DCBLD1: variants seen among roughly 807,000 people sequenced by gnomAD.
DCBLD1 encodes the protein discoidin, CUB and LCCL domain containing 1.
DCBLD1 carries 57 observed loss-of-function variants against 71.5 expected under a neutral mutation model. The ratio of observed to expected loss-of-function variants is 0.80; its 90% CI spans 0.64 to 0.99. The LOEUF is 0.99. Among genes scored for constraint, DCBLD1 ranks in the 50% least tolerant of loss-of-function variants. The pLI is 0.00. For synonymous variants in DCBLD1, 380 were observed against 363.8 expected, an observed-to-expected ratio of 1.04 and a Z score of -0.51; for missense variants, 891 against 923.5, an observed-to-expected ratio of 0.96 and a Z score of 0.46.
At chr6:117,533,246 T>G (rs12525756) in intron 6 of DCBLD1, among the ~76,000 whole-genome samples, 5,528 of 152,250 alleles carry the variant, frequency 0.036, 243 homozygotes, top group South Asian at 0.18. Flanking sequence ...AGACAGAGGT[T>G]TTAGGCGTTT....
intron 1 of DCBLD1, among the ~76,000 whole-genome samples, chr6:117,487,097 T>G (rs944441677): frequency 5.9e-5 from 9 of 152,108 alleles, no homozygotes; most frequent in African/African-American, 1.4e-4. Flanking sequence ...CCCGTCCCTG[T>G]TGCCAAAAAG....
At chr6:117,494,473 A>G (rs1777405293) in intron 1 of DCBLD1, among the ~76,000 whole-genome samples, 1 of 152,212 alleles carries the variant, frequency 6.6e-6, no homozygotes. Flanking sequence ...TATTACATCA[A>G]CATCCTGACA....
At chr6:117,516,973 C>A (rs1387315910) in intron 2 of DCBLD1, among the ~76,000 whole-genome samples, 1 of 152,182 alleles carries the variant, frequency 6.6e-6, no homozygotes, top group Admixed American at 6.5e-5. Flanking sequence ...ATCATTTCGA[C>A]CCTGGCCCCT....
chr6:117,569,352 G>A lies in DCBLD1; in HGVS notation c.1616-268G>A, dbSNP rs1779761157. On this transcript the variant is annotated intron_variant, in intron 14 of 14. Coordinates refer to the DCBLD1 transcript ENST00000296955. ...CAGGTGAGGACACTGAGGGACAGAGGACTTAAGTAACTTGCTCAAAGTTAT... is the reference window on the plus strand; with the variant it reads ...CAGGTGAGGACACTGAGGGACAGAGAACTTAAGTAACTTGCTCAAAGTTAT... Among the ~76,000 whole-genome samples, 5 of 152,266 alleles carry A rather than the reference G, an allele frequency of 3.3e-5. No individual in the cohort carries two copies. In the South Asian group the frequency reaches 1.0e-3, roughly 32 times the overall value.
chr6:117,559,591 GCATT>G (rs1779544365), intron 14 of DCBLD1, among the ~76,000 whole-genome samples: 1 of 152,144 alleles, frequency 6.6e-6, no homozygotes, highest in Non-Finnish European at 1.5e-5. Flanking sequence ...ACTGACAGAT[GCATT>G]CTCATGGCTG....
intron 2 of DCBLD1, among the ~76,000 whole-genome samples, chr6:117,506,447 T>G (rs530316856): frequency 2.6e-5 from 4 of 152,338 alleles, no homozygotes; most frequent in African/African-American, 7.2e-5. Flanking sequence ...AAGAAGTAGG[T>G]AGTATTTTTG....
In DCBLD1 at chr6:117,501,979, C is replaced by T. The variant is rs78409480; in HGVS notation, c.113-1788C>T. On this transcript the variant is annotated intron_variant, in intron 1 of 14. Transcript: ENST00000338728. ...GTTTTTTCTCCTTTGTTCTTCTCACCATAGTTCCCCCAAACCTGAGTCTGT... is the reference window on the plus strand; with the variant it reads ...GTTTTTTCTCCTTTGTTCTTCTCACTATAGTTCCCCCAAACCTGAGTCTGT... Among the ~76,000 whole-genome samples, 1,154 of 152,182 alleles carry T rather than the reference C, an allele frequency of 7.6e-3. 12 individuals are homozygous for T. Among genetic ancestry groups the T allele is most frequent in the African/African-American group, 0.026 (1,085 of 41,504 alleles).
At chr6:117,550,384 T>C (rs1421973582), downstream of DCBLD1, among the ~76,000 whole-genome samples, 8 of 152,186 alleles carry the variant, frequency 5.3e-5, 1 homozygote, top group Non-Finnish European at 1.0e-4. Flanking sequence ...ATCTTTCTTT[T>C]TTGGTGTTTT....
chr6:117,530,648 G>T (rs1193423208), intron 5 of DCBLD1, among the ~76,000 whole-genome samples: 1 of 152,186 alleles, frequency 6.6e-6, no homozygotes, highest in African/African-American at 2.4e-5. Context: ...GGAATGACTT[G>T]CATATACTTT....
rs554687710 is a variant in DCBLD1 at position 117,563,683 on chromosome 6, C to T, written c.1616-5937C>T. Among the ~76,000 whole-genome samples the T allele has an allele frequency of 8.6e-5, 13 of 151,466 alleles. No individual in the cohort carries two copies. The South Asian group carries it at 2.5e-3, about 29-fold the overall frequency. ...GTTGCAGTGAGCTGAGATCGTACCA[C>T]CGCACTCTAGCCTGGGTGACAGAGT... On this transcript the variant is annotated intron_variant, in intron 14 of 14. Coordinates refer to the DCBLD1 transcript ENST00000296955.
At chr6:117,545,086 G>A (rs1385187846) in intron 13 of DCBLD1, among the ~76,000 whole-genome samples, 1 of 151,496 alleles carries the variant, frequency 6.6e-6, no homozygotes, top group Non-Finnish European at 1.5e-5. Context: ...GAGGGCAGTG[G>A]GGCAGGACCC....
At chr6:117,540,893 T>C (rs1779073267) in intron 10 of DCBLD1, 25 bp from the exon 11 acceptor site, 1 of 1,613,838 alleles carries the variant, frequency 6.2e-7, no homozygotes, top group South Asian at 1.1e-5. Context: ...CTCATGTGGT[T>C]TTCCCGACAT....
At chr6:117,547,206 A>G (rs1365617010) in intron 14 of DCBLD1, among the ~76,000 whole-genome samples, 5 of 152,164 alleles carry the variant, frequency 3.3e-5, no homozygotes, top group Non-Finnish European at 5.9e-5. Context: ...AAGACAATCA[A>G]TGCTTTTCCA....
chr6:117,519,816 G>T lies in DCBLD1; in HGVS notation c.326G>T (p.Gly109Val). 6.2e-7 allele frequency: 1 copy of T among 1,611,834 alleles called. No homozygotes were observed. Among genetic ancestry groups the T allele is most frequent in the South Asian group, 1.1e-5 (1 of 90,930 alleles). ...LLFTSSSDQY[G>V]PYCGSMTVPK... The stretch of plus-strand genomic sequence containing the variant: ...TGCCACAAGTGTGCTTTGTTTTTAG[G>T]TCCATACTGTGGAAGTATGACTGTT... The change falls in exon 3 of 15, where the codon GGT (glycine) becomes GTT (valine). Residue 109 changes from glycine (G) to valine (V), a missense_variant and splice_region_variant. Gly to Val is a moderately radical substitution (Grantham distance 109, BLOSUM62 -3). Transcript: ENST00000338728.
At chr6:117,490,123 A>ACACACACC (rs974391077) in intron 1 of DCBLD1, among the ~76,000 whole-genome samples, 3 of 147,826 alleles carry the variant, frequency 2.0e-5, no homozygotes, top group South Asian at 2.2e-4. Context: ...ACACACACAC[A>ACACACACC]CCCCTATAGC....
chr6:117,551,812 C>A (rs1053898371), downstream of DCBLD1, among the ~76,000 whole-genome samples: 2 of 152,162 alleles, frequency 1.3e-5, no homozygotes, highest in Admixed American at 6.5e-5. Context: ...GATGCCTCCC[C>A]AACAGGTACA....
intron 14 of DCBLD1, chr6:117,561,193 A>C (rs889652531): frequency 2.7e-5 from 6 of 222,970 alleles, no homozygotes; most frequent in African/African-American, 1.3e-4. Flanking sequence ...CTTAAAAGGA[A>C]TTTATATCAT....
intron 2 of DCBLD1, 60 bp from the exon 3 acceptor site, chr6:117,519,756 T>G: frequency 6.3e-7 from 1 of 1,580,054 alleles, no homozygotes; most frequent in Non-Finnish European, 8.7e-7. Flanking sequence ...AAATGCCATA[T>G]ACCAGTCATT....
chr6:117,564,574 A>G (rs1221458319), intron 14 of DCBLD1, among the ~76,000 whole-genome samples: 2 of 152,342 alleles, frequency 1.3e-5, no homozygotes, highest in Non-Finnish European at 1.5e-5. Flanking sequence ...TAAAGTATAG[A>G]CGTGTGAAAC....
Sources: gnomAD v4.1 joint callset for allele counts (sites outside exome capture counted in the v4.1 genomes callset) on GRCh38, gnomAD v4.1.1 for gene constraint, MANE v1.5 for transcripts, NCBI Gene and HGNC (gene_info 2026-07-23, HGNC 2026-07-21) for gene names.